PDE4A: variants seen among roughly 807,000 people sequenced by gnomAD.
The protein encoded by PDE4A is 3',5'-cyclic-AMP phosphodiesterase 4A.
A neutral mutation model predicts 73.9 loss-of-function variants in PDE4A; 21 were observed. That is an observed-to-expected ratio of 0.28 (90% CI 0.20 to 0.41). The LOEUF (loss-of-function observed/expected upper bound fraction) is 0.41, where lower values mean the gene tolerates loss of function less well. PDE4A is among the 10% of genes least tolerant of loss of function. PDE4A has a pLI of 1.00. For missense variants in PDE4A, 958 were observed against 1,211.4 expected, an observed-to-expected ratio of 0.79 and a Z score of 3.10; for synonymous variants, 463 against 505.4, an observed-to-expected ratio of 0.92 and a Z score of 1.13.
At chr19:10,452,329 C>T (rs1001220769) in intron 6 of PDE4A, among the ~76,000 whole-genome samples, 1 of 151,504 alleles carries the variant, frequency 6.6e-6, no homozygotes, top group Admixed American at 6.6e-5. Flanking sequence ...CCCAACTACT[C>T]TGGAGGCTGA....
intron 1 of PDE4A, among the ~76,000 whole-genome samples, chr19:10,431,790 G>A (rs1199955306): frequency 6.6e-6 from 1 of 152,176 alleles, no homozygotes; most frequent in African/African-American, 2.4e-5. Flanking sequence ...GGCGGGGACA[G>A]AAGAGGAAGA....
At chr19:10,447,919 C>T (rs527311118) in intron 2 of PDE4A, among the ~76,000 whole-genome samples, 14 of 152,076 alleles carry the variant, frequency 9.2e-5, no homozygotes, top group Non-Finnish European at 1.3e-4. Context: ...ACTTGGTCCC[C>T]TTCCTGTTCA....
intron 13 of PDE4A, 43 bp downstream of exon 13, chr19:10,462,042 C>T (rs1254164791): frequency 1.3e-6 from 2 of 1,553,402 alleles, no homozygotes; most frequent in Non-Finnish European, 1.8e-6. Flanking sequence ...GACACTCCCC[C>T]AGCCACACCT....
At chr19:10,440,077 C>T (rs1010061511) in intron 1 of PDE4A, among the ~76,000 whole-genome samples, 3 of 150,516 alleles carry the variant, frequency 2.0e-5, no homozygotes, top group Admixed American at 1.3e-4. Flanking sequence ...CTCTGCCACC[C>T]GGGTTCAAGC....
At chr19:10,427,941 G>A (rs1775143246) in intron 1 of PDE4A, 1 of 676,688 alleles carries the variant, frequency 1.5e-6, no homozygotes. Context: ...GTTGCAGTGA[G>A]CCAATATCAT....
At chr19:10,466,072 G>A (rs1401307206) in intron 14 of PDE4A, among the ~76,000 whole-genome samples, 2 of 147,402 alleles carry the variant, frequency 1.4e-5, no homozygotes, top group Non-Finnish European at 3.0e-5. Context: ...GCACAATCTC[G>A]GCTCACTGCA....
intron 10 of PDE4A, 125 bp from the exon 11 acceptor site, chr19:10,460,879 G>A: frequency 3.1e-6 from 3 of 970,722 alleles, no homozygotes; most frequent in Non-Finnish European, 4.4e-6. Context: ...CGAACTTCTG[G>A]CCTTGAAGTC....
chr19:10,420,454 C>G (rs1459998963), upstream of PDE4A: 2 of 175,254 alleles, frequency 1.1e-5, no homozygotes, highest in African/African-American at 4.4e-5. The surrounding 1 kb of genome is among the most constrained non-coding windows in gnomAD (Gnocchi z 6.0). Context: ...CCGCGGCGGG[C>G]GGGGGGCGGG....
intron 5 of PDE4A, 50 bp downstream of exon 5, chr19:10,450,702 G>A: frequency 6.3e-7 from 1 of 1,591,472 alleles, no homozygotes. Context: ...TGCCCCAGTG[G>A]GGGTCCCTCA....
At chr19:10,432,564 T>A (rs2042809805) in intron 1 of PDE4A, 1 of 1,523,030 alleles carries the variant, frequency 6.6e-7, no homozygotes, top group Non-Finnish European at 8.8e-7. Context: ...TCCGGGCAGA[T>A]CTGTCAGGTG....
At chr19:10,460,096 G>A (rs2043238254) in intron 10 of PDE4A, among the ~76,000 whole-genome samples, 1 of 151,944 alleles carries the variant, frequency 6.6e-6, no homozygotes, top group Non-Finnish European at 1.5e-5. Flanking sequence ...AGTTGGACAG[G>A]CTGGTCTCAA....
intron 7 of PDE4A, chr19:10,457,652 CG>C: frequency 3.5e-6 from 1 of 287,162 alleles, no homozygotes; most frequent in Non-Finnish European, 5.2e-6. Context: ...ATGATCAGAC[CG>C]GGGCCATCCC....
chr19:10,420,713 G>C lies in PDE4A; in HGVS notation c.-52G>C. The stretch of plus-strand genomic sequence containing the variant: ...GCTGGCTTGCGCGCAGCTGAGCGGG[G>C]TGTAGGTTGGAAGGGCCAGGGCCCC... On this transcript the variant is annotated 5_prime_UTR_variant, in exon 1 of 15. Transcript: ENST00000380702. The surrounding 1 kb of genome is among the most constrained non-coding windows in gnomAD (Gnocchi z 6.0). The C allele has an allele frequency of 6.9e-7, 1 of 1,441,806 alleles. No individual in the cohort carries two copies. Among genetic ancestry groups the C allele is most frequent in the South Asian group, 1.4e-5 (1 of 68,988 alleles). 89.3% of individuals were successfully genotyped at this position (1,441,806 alleles called of 1,614,324 possible). A position where few individuals can be genotyped will look rare whatever the true frequency, so the allele number is the denominator to read the frequency against.
At chr19:10,450,295 G>A (rs553437512) in intron 4 of PDE4A, among the ~76,000 whole-genome samples, 1 of 152,256 alleles carries the variant, frequency 6.6e-6, no homozygotes, top group African/African-American at 2.4e-5. Context: ...CATCCTTAGG[G>A]GCTTGGAGGA....
chr19:10,446,319 A>C lies in PDE4A; in HGVS notation c.422A>C (p.Gln141Pro). 1 of 1,613,598 alleles carries C rather than the reference A, an allele frequency of 6.2e-7. No homozygotes were observed. The change falls in exon 2 of 15, where the codon CAG becomes CCG. Residue 141 changes from glutamine to proline, a missense_variant. This residue lies in a region of PDE4A where 570 missense variants were observed against 827.7 expected (regional missense o/e 0.69). Coordinates refer to ENST00000380702, the MANE Select transcript of PDE4A (RefSeq NM_001111307.2). ...LVLHAGAATS[Q>P]RRESFLYRSD... is the part of the protein sequence containing the mutation. ...CTGCACGCCGGGGCGGCCACCAGCC[A>C]GCGCCGGGAGTCCTTCCTGTACCGC...
rs764868002 is a variant in PDE4A, at chr19:10,429,177, T to TGAAG, written c.320+8109_320+8112dup. On this transcript the variant is annotated intron_variant, in intron 1 of 14. Coordinates refer to ENST00000380702, the MANE Select transcript of PDE4A (RefSeq NM_001111307.2). ...AAAGGAAAGGAAAGGAAGGAAGAAA[T>TGAAG]GAAGGAAGGAAGGAAGGAAAATAAG... 6.8e-5 allele frequency among the ~76,000 whole-genome samples: 7 copies of TGAAG among 102,880 alleles called. No individual in the cohort carries two copies. In the East Asian group the frequency reaches 8.2e-4, roughly 12 times the overall value. 67.5% of individuals were successfully genotyped at this position (102,880 alleles called of 152,430 possible).
At position 10,457,902 on chromosome 19, in the gene PDE4A, C is replaced by G; in HGVS notation, c.901C>G (p.Pro301Ala). ...AGACAAACAGAATGAAGTGGAGATCCCATCACCCACGATGAAGGAACGAGA... is the reference window on the plus strand; with the variant it reads ...AGACAAACAGAATGAAGTGGAGATCGCATCACCCACGATGAAGGAACGAGA... The part of the protein sequence containing the change: ...FLDKQNEVEI[P>A]SPTMKEREKQ... Residue 301 changes from proline to alanine, a missense_variant, in exon 8 of 15, where the codon CCA becomes GCA. Physicochemically the swap from Pro to Ala is conservative, Grantham distance 27 (BLOSUM62 -1). Transcript: ENST00000380702. 1 of 1,612,176 alleles carries G rather than the reference C, an allele frequency of 6.2e-7. No homozygotes were observed. Among genetic ancestry groups the G allele is most frequent in the Non-Finnish European group, 8.5e-7 (1 of 1,179,940 alleles).
rs1425590017 is a variant in PDE4A at position 10,424,671 on chromosome 19, G to T, written c.320+3587G>T. ...CCGGCTGACCGCAGGCTGCGTGTGGGGTCCTCGCCCTCCCGGGCTTGGGAC... is the reference window on the plus strand; with the variant it reads ...CCGGCTGACCGCAGGCTGCGTGTGGTGTCCTCGCCCTCCCGGGCTTGGGAC... On this transcript the variant is annotated intron_variant, in intron 1 of 14. Coordinates refer to ENST00000380702, the MANE Select transcript of PDE4A (RefSeq NM_001111307.2). This position sits in a 1 kb window ranked among gnomAD's most constrained non-coding sequence, Gnocchi z 4.8. 6.6e-6 allele frequency among the ~76,000 whole-genome samples: 1 copy of T among 152,258 alleles called. No individual in the cohort carries two copies. Among genetic ancestry groups the T allele is most frequent in the Middle Eastern group, 3.2e-3 (1 of 316 alleles).
In PDE4A at chr19:10,461,534, C is replaced by CTG; in HGVS notation, c.1475_1476dup (p.Ala493TrpfsTer59). The CTG allele has an allele frequency of 6.2e-7, 1 of 1,614,034 alleles. No individual in the cohort carries two copies. Among genetic ancestry groups the CTG allele is most frequent in the Non-Finnish European group, 8.5e-7 (1 of 1,180,018 alleles). ...TCCGGGCTGGGCTGCAGATTCGGAG[C>CTG]TGGCGCTCATGTACAACGATGAGTC... On this transcript the variant is annotated frameshift_variant, in exon 12 of 15. Transcript: ENST00000380702. LOFTEE classifies it high-confidence loss of function.
Sources: allele counts gnomAD v4.1 joint callset (sites outside exome capture counted in the v4.1 genomes callset), GRCh38; gene constraint gnomAD v4.1.1; regional missense constraint gnomAD v4.1.1; non-coding constraint Gnocchi (gnomAD v3.1); transcripts MANE v1.5; gene names NCBI Gene and HGNC (gene_info 2026-07-23, HGNC 2026-07-21).